EYS: variants seen among roughly 807,000 people sequenced by gnomAD.
EYS encodes the protein protein eyes shut homolog.
A neutral mutation model predicts 282.1 loss-of-function variants in EYS; 250 were observed. The observed-to-expected ratio is 0.89, with a 90% CI of 0.80 to 0.98. EYS has a LOEUF of 0.98. Ranked by LOEUF, EYS falls within the 50% of genes least tolerant of loss-of-function variation. The probability of loss-of-function intolerance (pLI) is 0.00; values close to 1 mark genes in which losing one functional copy is unlikely to be tolerated. For missense variants in EYS, 4,016 were observed against 3,709.0 expected, an observed-to-expected ratio of 1.08 and a Z score of -2.15; for synonymous variants, 1,355 against 1,282.9, an observed-to-expected ratio of 1.06 and a Z score of -1.20.
intron 37 of EYS, among the ~76,000 whole-genome samples, chr6:63,800,282 T>C (rs79615727): frequency 5.1e-4 from 78 of 152,352 alleles, no homozygotes; most frequent in African/African-American, 1.8e-3. Context: ...TTAACAAAAC[T>C]TTAAGTACCT....
At chr6:63,896,497 T>G (rs2149728412) in intron 35 of EYS, among the ~76,000 whole-genome samples, 1 of 152,316 alleles carries the variant, frequency 6.6e-6, no homozygotes, top group East Asian at 1.9e-4. Context: ...ACAGCCTTCC[T>G]CAATATCAAC....
intron 22 of EYS, among the ~76,000 whole-genome samples, chr6:64,676,347 T>C (rs562795932): frequency 7.1e-6 from 1 of 140,846 alleles, no homozygotes; most frequent in East Asian, 2.0e-4. Context: ...TCTATATATA[T>C]ATATAGAGAG....
At chr6:64,655,446 C>G (rs948756856) in intron 22 of EYS, among the ~76,000 whole-genome samples, 11 of 151,894 alleles carry the variant, frequency 7.2e-5, no homozygotes, top group African/African-American at 2.7e-4. Flanking sequence ...ATATCTAATG[C>G]ATATTATATA....
At chr6:65,353,900 T>A (rs1764381255) in intron 8 of EYS, among the ~76,000 whole-genome samples, 1 of 152,022 alleles carries the variant, frequency 6.6e-6, no homozygotes, top group African/African-American at 2.4e-5. Flanking sequence ...CTATAATACA[T>A]CTTTCCCCTC....
chr6:64,809,059 A>G (rs1764517355), intron 22 of EYS, among the ~76,000 whole-genome samples: 1 of 152,120 alleles, frequency 6.6e-6, no homozygotes, highest in Non-Finnish European at 1.5e-5. Flanking sequence ...CCAGACATTT[A>G]ATGGTGCAGC....
intron 31 of EYS, among the ~76,000 whole-genome samples, chr6:64,218,000 T>C (rs534972027): frequency 6.6e-6 from 1 of 152,350 alleles, no homozygotes; most frequent in African/African-American, 2.4e-5. Flanking sequence ...TCTGTTGCTG[T>C]CTGTGTAGAG....
At chr6:63,798,617 A>G (rs1770701384) in intron 37 of EYS, among the ~76,000 whole-genome samples, 1 of 152,112 alleles carries the variant, frequency 6.6e-6, no homozygotes, top group Non-Finnish European at 1.5e-5. Flanking sequence ...GATCCCTACC[A>G]GGGCTCTCTG....
chr6:64,137,521 A>G (rs541164565), intron 31 of EYS, among the ~76,000 whole-genome samples: 3 of 152,198 alleles, frequency 2.0e-5, no homozygotes, highest in Admixed American at 2.0e-4. Flanking sequence ...TCTTCCTTTT[A>G]CTTGAACACT....
At chr6:64,197,933 T>C (rs931784175) in intron 31 of EYS, among the ~76,000 whole-genome samples, 2 of 151,698 alleles carry the variant, frequency 1.3e-5, no homozygotes, top group African/African-American at 4.8e-5. Flanking sequence ...AAATTTTACT[T>C]ATTCAATTAT....
intron 22 of EYS, among the ~76,000 whole-genome samples, chr6:64,724,737 G>T (rs1051366167): frequency 6.6e-6 from 1 of 152,080 alleles, no homozygotes; most frequent in East Asian, 1.9e-4. Context: ...CTGAAAGGAT[G>T]AAACCATTTA....
chr6:65,147,070 T>C (rs989024836), intron 12 of EYS, among the ~76,000 whole-genome samples: 3 of 152,052 alleles, frequency 2.0e-5, no homozygotes, highest in Admixed American at 6.6e-5. Flanking sequence ...TACCTAACAG[T>C]ATGTTTTTTG....
At position 65,306,832 on chromosome 6, in the gene EYS, CAAAAAAAAAAAAAAAAAA is replaced by C. The variant is rs201743269; in HGVS notation, c.1767-10731_1767-10714del. ...TGGGCAGCAGAGCAAGAGTCCGTCTCAAAAAAAAAAAAAAAAAAAAAAAAAAAAAAGAAAGTCTAGATT... is the reference window on the plus strand; with the variant it reads ...TGGGCAGCAGAGCAAGAGTCCGTCTCAAAAAAAAAAAAGAAAGTCTAGATT... On this transcript the variant is annotated intron_variant, in intron 11 of 42. Transcript: ENST00000503581. 1.2e-4 allele frequency among the ~76,000 whole-genome samples: 6 copies of C among 51,746 alleles called. No individual in the cohort carries two copies. In the East Asian group the frequency reaches 2.8e-3, roughly 24 times the overall value. 33.9% of individuals were successfully genotyped at this position (51,746 alleles called of 152,430 possible). A position where few individuals can be genotyped will look rare whatever the true frequency, so the allele number is the denominator to read the frequency against.
intron 29 of EYS, among the ~76,000 whole-genome samples, chr6:64,387,130 T>C (rs1397232375): frequency 6.6e-6 from 1 of 152,136 alleles, no homozygotes; most frequent in Non-Finnish European, 1.5e-5. Flanking sequence ...ATAAATTATG[T>C]CTACTCCACC....
chr6:65,223,316 G>A (rs1428055024), intron 12 of EYS, among the ~76,000 whole-genome samples: 2 of 152,030 alleles, frequency 1.3e-5, no homozygotes, highest in Non-Finnish European at 2.9e-5. Flanking sequence ...GCAGTGAGCC[G>A]AGATCATGCC....
At chr6:64,005,690 T>C (rs1258801149) in intron 33 of EYS, among the ~76,000 whole-genome samples, 3 of 152,246 alleles carry the variant, frequency 2.0e-5, no homozygotes, top group African/African-American at 7.2e-5. Context: ...TGCATATGGC[T>C]AGCCAGGTAT....
chr6:64,176,422 A>T lies in EYS; in HGVS notation c.6424+54170T>A, dbSNP rs141213480. ...TCGAATAGTTTTATGATTCTTTAAGATAAAAAAAATTTGATTGTAAACTTT... is the reference window on the plus strand; with the variant it reads ...TCGAATAGTTTTATGATTCTTTAAGTTAAAAAAAATTTGATTGTAAACTTT... On this transcript the variant is annotated intron_variant, in intron 31 of 42. Transcript: ENST00000503581. 2.0e-3 allele frequency among the ~76,000 whole-genome samples: 307 copies of T among 152,260 alleles called. 2 individuals carry two copies. Among genetic ancestry groups the T allele is most frequent in the African/African-American group, 7.1e-3 (297 of 41,562 alleles).
At chr6:64,547,517 A>G (rs535180255) in intron 26 of EYS, among the ~76,000 whole-genome samples, 2 of 152,184 alleles carry the variant, frequency 1.3e-5, no homozygotes, top group Non-Finnish European at 1.5e-5. Flanking sequence ...GCATTCACAA[A>G]CCCTGAGCTA....
chr6:65,491,541 C>T (rs1192191604), intron 4 of EYS: 2 of 423,820 alleles, frequency 4.7e-6, no homozygotes, highest in Admixed American at 2.5e-5. Flanking sequence ...TACTGACATC[C>T]CTGCCTCACT....
intron 13 of EYS, among the ~76,000 whole-genome samples, chr6:65,051,961 C>CAT (rs1773282520): frequency 6.6e-6 from 1 of 151,442 alleles, no homozygotes; most frequent in Non-Finnish European, 1.5e-5. Context: ...ATGCACTTTG[C>CAT]TTCTTTAAAT....
Sources: allele counts gnomAD v4.1 joint callset (sites outside exome capture counted in the v4.1 genomes callset), GRCh38; gene constraint gnomAD v4.1.1; transcripts MANE v1.5; gene names NCBI Gene and HGNC (gene_info 2026-07-23, HGNC 2026-07-21).